The following ANKRD12 variants were observed in gnomAD, a reference collection of about 807,000 sequenced individuals.
ANKRD12 encodes the protein ankyrin repeat domain-containing protein 12.
ANKRD12 carries 85 observed loss-of-function variants against 183.4 expected under a neutral mutation model. The observed-to-expected ratio is 0.46, with a 90% CI of 0.39 to 0.56. ANKRD12 has a LOEUF of 0.56. Among genes scored for constraint, ANKRD12 ranks in the 20% least tolerant of loss-of-function variants. ANKRD12 has a pLI of 0.00. For synonymous variants in ANKRD12, 914 were observed against 800.2 expected (o/e 1.14, Z -2.40); for missense variants, 2,405 against 2,357.1 (o/e 1.02, Z -0.42).
intron 9 of ANKRD12, chr18:9,259,780 C>T (rs1048205658): frequency 2.2e-4 from 34 of 152,110 alleles, no homozygotes; most frequent in African/African-American, 8.0e-4. Flanking sequence ...GTGGATTTTG[C>T]TACAGACCCA....
At chr18:9,215,048 A>G (rs1274022936) in intron 6 of ANKRD12, among the ~76,000 whole-genome samples, 1 of 152,130 alleles carries the variant, frequency 6.6e-6, no homozygotes, top group Non-Finnish European at 1.5e-5. Context: ...TGTCAAGATA[A>G]CAGGAGAAGT....
chr18:9,239,405 T>C (rs968483645), intron 8 of ANKRD12: 1 of 638,794 alleles, frequency 1.6e-6, no homozygotes, highest in Non-Finnish European at 2.4e-6. Flanking sequence ...AGAACACACC[T>C]TCTAGAACCT....
rs1312152916 is a variant in ANKRD12, at chr18:9,280,961, A to G, written c.6024A>G (p.Gln2008=). The G allele has an allele frequency of 1.9e-6, 3 of 1,612,914 alleles. No homozygotes were observed. Among genetic ancestry groups the G allele is most frequent in the East Asian group, 2.2e-5 (1 of 44,852 alleles). Residue 2008 remains glutamine (Q), a synonymous_variant, in exon 13 of 13, where the codon CAA becomes CAG. Coordinates refer to ENST00000262126, the MANE Select transcript of ANKRD12 (RefSeq NM_015208.5). Reference sequence around the variant, plus strand: ...AATAGACCTGTCTTTTAATGAGGCAACAACATGAAGCTGCGGCTTTAAATG... The same window carrying G: ...AATAGACCTGTCTTTTAATGAGGCAGCAACATGAAGCTGCGGCTTTAAATG... ...DKLKTCLLMR[Q]QHEAAALNAV...
rs140458810 is a variant in ANKRD12 at position 9,215,587 on chromosome 18, C to T, written c.653-1171C>T. Among the ~76,000 whole-genome samples, 949 of 152,140 alleles carry T rather than the reference C, an allele frequency of 6.2e-3. 10 individuals carry two copies. Among genetic ancestry groups the T allele is most frequent in the African/African-American group, 0.021 (889 of 41,502 alleles). On this transcript the variant is annotated intron_variant, in intron 6 of 12. Coordinates refer to ENST00000262126, the MANE Select transcript of ANKRD12 (RefSeq NM_015208.5). ...AAGGAACTTTAAAGCTCATTACACA[C>T]GGTACTCCAGGGAAAGGATTGTCAA...
rs563855062 is a variant in ANKRD12, at chr18:9,227,939, T to C, written c.943+5940T>C. 2.6e-5 allele frequency among the ~76,000 whole-genome samples: 4 copies of C among 152,294 alleles called. No individual in the cohort carries two copies. The South Asian group carries it at 8.3e-4, about 32-fold the overall frequency. ...CTATGTTTGTATCCACATCCATTGC[T>C]TCCCCACTCTCCCCCACCAATCCCC... is the stretch of plus-strand genomic sequence containing the variant. On this transcript the variant is annotated intron_variant, in intron 8 of 12. Transcript: ENST00000262126.
At chr18:9,192,504 C>T (rs1054248385) in intron 2 of ANKRD12, among the ~76,000 whole-genome samples, 1 of 151,966 alleles carries the variant, frequency 6.6e-6, no homozygotes, top group Non-Finnish European at 1.5e-5. Flanking sequence ...GTATCTTGTG[C>T]TGTTTTTTGG....
At chr18:9,150,300 CTG>C (rs761517533) in intron 1 of ANKRD12, among the ~76,000 whole-genome samples, 5 of 152,136 alleles carry the variant, frequency 3.3e-5, no homozygotes, top group Non-Finnish European at 7.3e-5. Context: ...CTACCACTGT[CTG>C]AAGCACTCCG....
chr18:9,278,475 G>T lies in ANKRD12; in HGVS notation c.5908-1074G>T, dbSNP rs932161176. The stretch of plus-strand genomic sequence containing the variant: ...TAAATAGTCAAAACATCTAACTTGG[G>T]GCACCAATGAAGAAATTATAACTGC... On this transcript the variant is annotated intron_variant, in intron 11 of 12. Transcript: ENST00000262126. Among the ~76,000 whole-genome samples, 5 of 152,074 alleles carry T rather than the reference G, an allele frequency of 3.3e-5. No homozygotes were observed. The South Asian group carries it at 1.0e-3, about 31-fold the overall frequency.
chr18:9,198,629 A>C (rs2034984654), intron 3 of ANKRD12, among the ~76,000 whole-genome samples: 1 of 152,146 alleles, frequency 6.6e-6, no homozygotes, highest in Non-Finnish European at 1.5e-5. Flanking sequence ...AGCTCACTGC[A>C]ACCTCTGCTT....
At position 9,254,613 on chromosome 18, in the gene ANKRD12, C is replaced by T. The variant is rs1323399320; in HGVS notation, c.1346C>T (p.Thr449Ile). 6 of 1,585,154 alleles carry T rather than the reference C, an allele frequency of 3.8e-6. No homozygotes were observed. Among genetic ancestry groups the T allele is most frequent in the Non-Finnish European group, 5.1e-6 (6 of 1,169,042 alleles). The change falls in exon 9 of 13, where the codon ACA becomes ATA. Residue 449 changes from threonine (T) to isoleucine (I), a missense_variant. Thr to Ile is a moderately conservative substitution (Grantham distance 89). This residue lies in a region of ANKRD12 where 1,983 missense variants were observed against 1,725.9 expected (regional missense o/e 1.15). Coordinates refer to ENST00000262126, the MANE Select transcript of ANKRD12 (RefSeq NM_015208.5). ...ACTTCATGTTCCGTCATCCCTGAAA[C>T]ATCAAATTCTGATATGCAAACCAAA... is the stretch of plus-strand genomic sequence containing the variant. ...ISTSCSVIPE[T>I]SNSDMQTKKE...
chr18:9,250,712 GTC>G (rs751357146), intron 8 of ANKRD12, among the ~76,000 whole-genome samples: 20 of 152,180 alleles, frequency 1.3e-4, no homozygotes, highest in South Asian at 8.3e-4. Context: ...ACAAGACCCT[GTC>G]TCTCAAAAAA....
At chr18:9,245,530 T>C (rs1260382898) in intron 8 of ANKRD12, among the ~76,000 whole-genome samples, 1 of 152,208 alleles carries the variant, frequency 6.6e-6, no homozygotes, top group African/African-American at 2.4e-5. Context: ...ACTTTTTTCT[T>C]TATAAACTAT....
intron 6 of ANKRD12, among the ~76,000 whole-genome samples, chr18:9,213,671 T>G (rs2144660857): frequency 6.6e-6 from 1 of 152,056 alleles, no homozygotes; most frequent in Non-Finnish European, 1.5e-5. Flanking sequence ...TGTTGGATTC[T>G]TCAAATTATT....
At chr18:9,188,207 A>T (rs1012160639) in intron 2 of ANKRD12, among the ~76,000 whole-genome samples, 5 of 152,154 alleles carry the variant, frequency 3.3e-5, no homozygotes, top group African/African-American at 9.7e-5. Flanking sequence ...CACAAGGGGG[A>T]TGCAGTGATG....
chr18:9,142,098 A>G (rs1598376450), intron 1 of ANKRD12, among the ~76,000 whole-genome samples: 1 of 152,218 alleles, frequency 6.6e-6, no homozygotes, highest in East Asian at 1.9e-4. Flanking sequence ...AAAGAGTTAC[A>G]ATAGAACTCT....
rs2040182840 is a variant in ANKRD12, at chr18:9,284,634, C to G, written c.*3508C>G. The stretch of plus-strand genomic sequence containing the variant: ...TAATTCATCATTATTTAAGTGACTT[C>G]TTGGGAGCCGTCTTTGTACCTAAAA... On this transcript the variant is annotated 3_prime_UTR_variant, in exon 13 of 13. Transcript: ENST00000262126. The G allele has an allele frequency of 6.6e-6, 1 of 151,942 alleles. No individual in the cohort carries two copies. Among genetic ancestry groups the G allele is most frequent in the African/African-American group, 2.4e-5 (1 of 41,360 alleles). 9.4% of individuals were successfully genotyped at this position (151,942 alleles called of 1,614,324 possible).
In ANKRD12 at chr18:9,257,190, G is replaced by A. The variant is rs754370305; in HGVS notation, c.3923G>A (p.Arg1308Gln). ...GAGGGGAGACCTACCATAGAAGTTC[G>A]AAGATGTAGCATGCCTTCTGTCATT... ...ISEGRPTIEV[R>Q]RCSMPSVICE... The change falls in exon 9 of 13, where the codon CGA (arginine) becomes CAA (glutamine). Residue 1308 changes from arginine (R) to glutamine (Q), a missense_variant. Coordinates refer to ENST00000262126, the MANE Select transcript of ANKRD12 (RefSeq NM_015208.5). 2.0e-5 allele frequency: 32 copies of A among 1,614,002 alleles called. No individual in the cohort carries two copies. The highest frequency in any genetic ancestry group is 2.5e-5 in the Non-Finnish European group (29 of 1,179,988).
Position 9,258,271 on chromosome 18 carries a change from T to A in ANKRD12, c.5004T>A (p.Asp1668Glu), listed in dbSNP as rs1431788781. Residue 1668 changes from aspartate (D) to glutamate (E), a missense_variant, in exon 9 of 13, where the codon GAT becomes GAA. This residue lies in a region of ANKRD12 where 1,983 missense variants were observed against 1,725.9 expected (regional missense o/e 1.15). Transcript: ENST00000262126. ...CAAAAGGAAACCTAAATGAACAAGA[T>A]CCAAAACATTGTCCTGAAAGTGAAA... ...GMPKGNLNEQDPKHCPESEKC... is the reference protein window; with the variant it reads ...GMPKGNLNEQEPKHCPESEKC... 1.2e-6 allele frequency: 2 copies of A among 1,613,652 alleles called. No individual in the cohort carries two copies. The highest frequency in any genetic ancestry group is 1.3e-5 in the African/African-American group (1 of 75,010).
chr18:9,198,503 GTTTC>G (rs913178964), intron 3 of ANKRD12, among the ~76,000 whole-genome samples: 1 of 152,072 alleles, frequency 6.6e-6, no homozygotes, highest in Non-Finnish European at 1.5e-5. Context: ...ATAAAAAGTT[GTTTC>G]TTAACATCTG....
Sources: gnomAD v4.1 joint callset for allele counts (sites outside exome capture counted in the v4.1 genomes callset) on GRCh38, gnomAD v4.1.1 for gene constraint, gnomAD v4.1.1 regional missense constraint, MANE v1.5 for transcripts, NCBI Gene and HGNC (gene_info 2026-07-23, HGNC 2026-07-21) for gene names.